Variants in POLR3H observed in about 807,000 individuals in gnomAD.
The protein encoded by POLR3H is DNA-directed RNA polymerase III subunit RPC8.
POLR3H carries 17 observed loss-of-function variants against 25.5 expected under a neutral mutation model. The observed-to-expected ratio is 0.67, with a 90% CI of 0.46 to 1.00. The LOEUF (loss-of-function observed/expected upper bound fraction) is 1.00. Among genes scored for constraint, POLR3H ranks in the 50% least tolerant of loss-of-function variants. The pLI is 0.00. For synonymous variants in POLR3H, 129 were observed against 103.0 expected (o/e 1.25, Z -1.53); for missense variants, 274 against 265.0 (o/e 1.03, Z -0.24).
At chr22:41,538,346 G>A (rs1243372279) in intron 2 of POLR3H, among the ~76,000 whole-genome samples, 2 of 151,852 alleles carry the variant, frequency 1.3e-5, no homozygotes, top group African/African-American at 4.8e-5. Flanking sequence ...TGTTAGCCAG[G>A]AGATCTCCTG....
chr22:41,528,767 G>C lies in POLR3H; in HGVS notation c.*516C>G. On this transcript the variant is annotated 3_prime_UTR_variant, in exon 6 of 6. Coordinates refer to ENST00000355209, the MANE Select transcript of POLR3H (RefSeq NM_001018050.4). ...CTTAGCCCACGGAGTGACTGTGGTT[G>C]TGGTGGGGGGGTTCTTAAAATAACT... The C allele has an allele frequency of 8.9e-7, 1 of 1,121,916 alleles. No individual in the cohort carries two copies. The highest frequency in any genetic ancestry group is 1.2e-6 in the Non-Finnish European group (1 of 818,590). 69.5% of individuals were successfully genotyped at this position (1,121,916 alleles called of 1,614,324 possible). A position where few individuals can be genotyped will look rare whatever the true frequency, so the allele number is the denominator to read the frequency against.
Position 41,528,909 on chromosome 22 carries a change from T to G in POLR3H, c.*374A>C, listed in dbSNP as rs544096793. 390 of 519,188 alleles carry G rather than the reference T, an allele frequency of 7.5e-4. 3 individuals are homozygous for G. Among genetic ancestry groups the G allele is most frequent in the Middle Eastern group, 6.6e-3 (13 of 1,982 alleles). The allele number at this position is 519,188 out of a possible 1,614,324, so 32.2% of individuals were successfully genotyped here. A position where few individuals can be genotyped will look rare whatever the true frequency, so the allele number is the denominator to read the frequency against. ...AAAGTTTTTCTCCTGCCTGATCATT[T>G]CATTGGTGGCTGAAGGATTCTAGAG... On this transcript the variant is annotated 3_prime_UTR_variant, in exon 6 of 6. Transcript: ENST00000355209.
At position 41,526,885 on chromosome 22, in the gene POLR3H, G is replaced by T; in HGVS notation, c.*2398C>A. The T allele has an allele frequency of 3.1e-6, 1 of 322,716 alleles. No individual in the cohort carries two copies. The highest frequency in any genetic ancestry group is 5.8e-6 in the Non-Finnish European group (1 of 173,054). The allele number at this position is 322,716 out of a possible 1,614,324, so 20.0% of individuals were successfully genotyped here. The stretch of plus-strand genomic sequence containing the variant: ...AAGTCCTGGCCCAGCCGGGTGAAAG[G>T]ACTCTGGCACCCCCTGGTGGCTGGG... On this transcript the variant is annotated 3_prime_UTR_variant, in exon 6 of 6. Coordinates refer to ENST00000355209, the MANE Select transcript of POLR3H (RefSeq NM_001018050.4).
chr22:41,539,045 G>A (rs944415641), intron 2 of POLR3H: 16 of 152,284 alleles, frequency 1.1e-4, no homozygotes, highest in African/African-American at 2.7e-4. Flanking sequence ...GGCGGATCAC[G>A]AGGTCAGGCG....
At position 41,527,814 on chromosome 22, in the gene POLR3H, C is replaced by T. The variant is rs2066634804; in HGVS notation, c.*1469G>A. 1.3e-6 allele frequency: 2 copies of T among 1,596,230 alleles called. No homozygotes were observed. Among genetic ancestry groups the T allele is most frequent in the African/African-American group, 1.3e-5 (1 of 74,678 alleles). The stretch of plus-strand genomic sequence containing the variant: ...TTGTCCCAGGCAGCAGGATTAGGGG[C>T]ATCTCCCAGAGCCCCAGATGGGTTC... On this transcript the variant is annotated 3_prime_UTR_variant, in exon 6 of 6. Transcript: ENST00000355209.
At position 41,544,057 on chromosome 22, in the gene POLR3H, A is replaced by AG. The variant is rs1276020932; in HGVS notation, c.44dup (p.Trp16LeufsTer4). On this transcript the variant is annotated frameshift_variant, in exon 1 of 6. Transcript: ENST00000355209. LOFTEE classifies it high-confidence loss of function. ...CGTTGAGCTTCCTCTCAAACTGCCA[A>AG]GGGGGGATCCGGACGGTGTCCACCA... 7 of 1,613,734 alleles carry AG rather than the reference A, an allele frequency of 4.3e-6. No individual in the cohort carries two copies. Among genetic ancestry groups the AG allele is most frequent in the East Asian group, 4.5e-5 (2 of 44,858 alleles).
At position 41,544,019 on chromosome 22, in the gene POLR3H, T is replaced by G; in HGVS notation, c.83A>C (p.Glu28Ala). ...FERKLNDSIA[E>A]ELNKKLANKV... ...GTTGGCCAACTTCTTGTTCAGCTCC[T>G]CGGCAATGGAGTCGTTGAGCTTCCT... Residue 28 changes from glutamate to alanine, a missense_variant, in exon 1 of 6, where the codon GAG (glutamate) becomes GCG (alanine). Glu to Ala is a moderately radical substitution (Grantham distance 107). Transcript: ENST00000355209. 1 of 1,613,792 alleles carries G rather than the reference T, an allele frequency of 6.2e-7. No homozygotes were observed. The highest frequency in any genetic ancestry group is 1.1e-5 in the South Asian group (1 of 91,080).
At chr22:41,543,653 A>T in intron 1 of POLR3H, 1 of 420,460 alleles carries the variant, frequency 2.4e-6, no homozygotes, top group Non-Finnish European at 4.6e-6. Flanking sequence ...CAAAACAAAC[A>T]ACAACAACAA....
rs369611783 is a variant in POLR3H at position 41,532,479 on chromosome 22, C to T, written c.295+180G>A. Reference sequence around the variant, plus strand: ...CTGAGTGACGGCCTCACAGTGAAACCGCACTGCTGATGGAGGTCCTCACAC... The same window carrying T: ...CTGAGTGACGGCCTCACAGTGAAACTGCACTGCTGATGGAGGTCCTCACAC... On this transcript the variant is annotated intron_variant, in intron 3 of 5. Coordinates refer to ENST00000355209, the MANE Select transcript of POLR3H (RefSeq NM_001018050.4). 16 of 1,128,686 alleles carry T rather than the reference C, an allele frequency of 1.4e-5. 1 individual carries two copies. In the African/African-American group the frequency reaches 1.6e-4, roughly 11 times the overall value. 69.9% of individuals were successfully genotyped at this position (1,128,686 alleles called of 1,614,324 possible). A position where few individuals can be genotyped will look rare whatever the true frequency, so the allele number is the denominator to read the frequency against.
At chr22:41,531,952 G>A in intron 4 of POLR3H, 142 bp downstream of exon 4, 1 of 678,364 alleles carries the variant, frequency 1.5e-6, no homozygotes, top group Non-Finnish European at 2.6e-6. Flanking sequence ...GGTGCCTCTG[G>A]AGCAAAAGCA....
intron 1 of POLR3H, among the ~76,000 whole-genome samples, chr22:41,541,023 C>T (rs1290163610): frequency 6.6e-6 from 1 of 152,146 alleles, no homozygotes; most frequent in Non-Finnish European, 1.5e-5. Flanking sequence ...GTTCCAAGGC[C>T]AGCTCCACCA....
At chr22:41,531,924 G>T (rs563230868) in intron 4 of POLR3H, among the ~76,000 whole-genome samples, 170 bp downstream of exon 4, 2 of 152,326 alleles carry the variant, frequency 1.3e-5, no homozygotes, top group Admixed American at 1.3e-4. Context: ...CTCCCTGCAT[G>T]GGAGGCACAG....
At chr22:41,540,488 A>C in intron 2 of POLR3H, 1 of 615,256 alleles carries the variant, frequency 1.6e-6, no homozygotes, top group South Asian at 1.7e-5. Context: ...CTTTGACTTT[A>C]GCCTTTTAAA....
intron 5 of POLR3H, chr22:41,529,633 C>G: frequency 1.5e-6 from 1 of 686,094 alleles, no homozygotes. Context: ...GAAGGCTGAG[C>G]AAACACAAGG....
At chr22:41,529,692 TC>T (rs750570685) in intron 5 of POLR3H, 2 of 583,754 alleles carry the variant, frequency 3.4e-6, no homozygotes, top group Non-Finnish European at 6.6e-6. Flanking sequence ...AAGCCACTCT[TC>T]CCCGGAGCCC....
At chr22:41,543,891 C>T (rs772025654) in intron 1 of POLR3H, 100 bp downstream of exon 1, 1 of 815,776 alleles carries the variant, frequency 1.2e-6, no homozygotes. Context: ...AGCTGCTTGC[C>T]CACGGCCAGG....
intron 2 of POLR3H, chr22:41,533,392 C>T: frequency 1.5e-6 from 1 of 648,064 alleles, no homozygotes; most frequent in Non-Finnish European, 2.1e-6. Flanking sequence ...ACCTGAGAAT[C>T]AGCACGCGGC....
In POLR3H at chr22:41,536,217, C is replaced by T. The variant is rs568879617; in HGVS notation, c.209-3472G>A. Among the ~76,000 whole-genome samples, 211 of 150,964 alleles carry T rather than the reference C, an allele frequency of 1.4e-3. 1 individual carries two copies. Among genetic ancestry groups the T allele is most frequent in the Admixed American group, 2.6e-3 (40 of 15,170 alleles). On this transcript the variant is annotated intron_variant, in intron 2 of 5. Coordinates refer to ENST00000355209, the MANE Select transcript of POLR3H (RefSeq NM_001018050.4). ...ACCATCCTGGCTAACATGATGAAAC[C>T]CCGTCTCAACTAAAGATACAAAAAA...
At chr22:41,532,507 C>T in intron 3 of POLR3H, 152 bp downstream of exon 3, 3 of 1,394,908 alleles carry the variant, frequency 2.2e-6, no homozygotes, top group Non-Finnish European at 2.9e-6. Context: ...CCTCACACAA[C>T]ACATAAAAGG....
Sources: gnomAD v4.1 joint callset for allele counts (sites outside exome capture counted in the v4.1 genomes callset) on GRCh38, gnomAD v4.1.1 for gene constraint, MANE v1.5 for transcripts, NCBI Gene and HGNC (gene_info 2026-07-23, HGNC 2026-07-21) for gene names.